SAMD4A: variants seen among roughly 807,000 people sequenced by gnomAD.
SAMD4A encodes the protein sterile alpha motif domain containing 4A.
A neutral mutation model predicts 81.3 loss-of-function variants in SAMD4A; 33 were observed. The observed-to-expected ratio is 0.41, with a 90% confidence interval of 0.31 to 0.54. The LOEUF (loss-of-function observed/expected upper bound fraction) is 0.54, where lower values mean the gene tolerates loss of function less well. Among genes scored for constraint, SAMD4A ranks in the 20% least tolerant of loss-of-function variants. SAMD4A has a pLI of 0.37. For synonymous variants in SAMD4A, 389 were observed against 382.1 expected, an observed-to-expected ratio of 1.02 and a Z score of -0.21; for missense variants, 854 against 951.1, an observed-to-expected ratio of 0.90 and a Z score of 1.34.
chr14:54,789,289 A>G lies in SAMD4A; in HGVS notation c.*345A>G, dbSNP rs1054486110. 7 of 367,178 alleles carry G rather than the reference A, an allele frequency of 1.9e-5. No individual in the cohort carries two copies. Among genetic ancestry groups the G allele is most frequent in the African/African-American group, 8.3e-5 (4 of 47,978 alleles). 22.7% of individuals were successfully genotyped at this position (367,178 alleles called of 1,614,324 possible). On this transcript the variant is annotated 3_prime_UTR_variant, in exon 13 of 13. Transcript: ENST00000554335. ...GAAAGAGTACTGCCATGAAAGAGAT[A>G]GGAGACACATAAGAGGACAGCAGAA...
Position 54,625,124 on chromosome 14 carries a change from C to T in SAMD4A, c.196+57012C>T, listed in dbSNP as rs76661089. ...GTGGATGGCTTCCTATGTCCCCCTCCCCCCAGCTCTTTCCCCACAGCCCAT... is the reference window on the plus strand; with the variant it reads ...GTGGATGGCTTCCTATGTCCCCCTCTCCCCAGCTCTTTCCCCACAGCCCAT... On this transcript the variant is annotated intron_variant, in intron 2 of 12. Transcript: ENST00000554335. Among the ~76,000 whole-genome samples, 1,460 of 152,088 alleles carry T rather than the reference C, an allele frequency of 9.6e-3. 25 individuals are homozygous for T. The highest frequency in any genetic ancestry group is 0.034 in the African/African-American group (1,392 of 41,462).
chr14:54,661,945 A>C (rs2035651203), intron 2 of SAMD4A, among the ~76,000 whole-genome samples: 1 of 152,230 alleles, frequency 6.6e-6, no homozygotes, highest in African/African-American at 2.4e-5. Flanking sequence ...ATCTGGAAAA[A>C]AAAAAATATG....
At chr14:54,583,005 G>A (rs933093355) in intron 2 of SAMD4A, among the ~76,000 whole-genome samples, 3 of 152,026 alleles carry the variant, frequency 2.0e-5, no homozygotes, top group South Asian at 2.1e-4. Context: ...GTGCAGTGGC[G>A]CAATCTCGGC....
In SAMD4A at chr14:54,792,780, C is replaced by T. The variant is rs1476767504; in HGVS notation, c.*3836C>T. ...TTTTTTTGTAATTCCTTTATCTTTA[C>T]TTAAAGGTGAATGTGTATTCCTCTG... On this transcript the variant is annotated 3_prime_UTR_variant, in exon 13 of 13. Coordinates refer to ENST00000554335, the MANE Select transcript of SAMD4A (RefSeq NM_015589.6). The T allele has an allele frequency of 3.3e-5, 5 of 150,998 alleles. No individual in the cohort carries two copies. Among genetic ancestry groups the T allele is most frequent in the African/African-American group, 1.2e-4 (5 of 40,978 alleles). The allele number at this position is 150,998 out of a possible 1,614,324, so 9.4% of individuals were successfully genotyped here.
intron 2 of SAMD4A, among the ~76,000 whole-genome samples, chr14:54,598,880 G>A (rs1420845081): frequency 6.6e-6 from 1 of 151,950 alleles, no homozygotes; most frequent in South Asian, 2.1e-4. Flanking sequence ...GAGTACAGTG[G>A]TGTGATTTCA....
At chr14:54,774,822 A>T (rs1258695749) in intron 9 of SAMD4A, 112 bp from the exon 10 acceptor site, 5 of 987,834 alleles carry the variant, frequency 5.1e-6, no homozygotes, top group East Asian at 2.6e-5. Context: ...TCAAAAAAAA[A>T]AAAAAAAAAA....
intron 2 of SAMD4A, among the ~76,000 whole-genome samples, chr14:54,590,737 A>C (rs1443523436): frequency 6.6e-6 from 1 of 152,210 alleles, no homozygotes; most frequent in Admixed American, 6.5e-5. Context: ...TGTGCTCCAC[A>C]CATGAGCTGT....
intron 2 of SAMD4A, among the ~76,000 whole-genome samples, chr14:54,583,057 C>T (rs1477242085): frequency 6.6e-6 from 1 of 152,150 alleles, no homozygotes; most frequent in African/African-American, 2.4e-5. Flanking sequence ...GATTCCCCTG[C>T]CTCAGCCTCC....
chr14:54,651,032 G>A (rs560234737), intron 2 of SAMD4A, among the ~76,000 whole-genome samples: 1 of 152,322 alleles, frequency 6.6e-6, no homozygotes, highest in South Asian at 2.1e-4. Flanking sequence ...CTGGTCTGCA[G>A]TGACCCTTGC....
intron 2 of SAMD4A, among the ~76,000 whole-genome samples, chr14:54,653,297 CTTAATATTATTATTA>C (rs2035445906): frequency 7.5e-6 from 1 of 133,486 alleles, no homozygotes; most frequent in African/African-American, 2.9e-5. Flanking sequence ...AAGACTTCCT[CTTAATATTATTATTA>C]TTATTATTAT....
chr14:54,769,631 A>G (rs2038648192), intron 8 of SAMD4A, among the ~76,000 whole-genome samples: 1 of 152,174 alleles, frequency 6.6e-6, no homozygotes, highest in Admixed American at 6.5e-5. Flanking sequence ...CACAGAGAAT[A>G]TAGTCCATTC....
chr14:54,657,992 G>A (rs972982289), intron 2 of SAMD4A, among the ~76,000 whole-genome samples: 2 of 152,158 alleles, frequency 1.3e-5, no homozygotes, highest in Admixed American at 1.3e-4. Flanking sequence ...TGAACTCCAC[G>A]AAGTAGATGT....
intron 2 of SAMD4A, among the ~76,000 whole-genome samples, chr14:54,598,974 C>T (rs1277644989): frequency 6.6e-6 from 1 of 152,064 alleles, no homozygotes; most frequent in Non-Finnish European, 1.5e-5. Flanking sequence ...GCATGTACCA[C>T]CACACCCAAC....
At chr14:54,603,778 G>T (rs2034124739) in intron 2 of SAMD4A, among the ~76,000 whole-genome samples, 1 of 150,438 alleles carries the variant, frequency 6.6e-6, no homozygotes, top group Admixed American at 6.6e-5. Context: ...AAGAACTTTT[G>T]TATTTCCATT....
intron 2 of SAMD4A, among the ~76,000 whole-genome samples, chr14:54,684,607 C>T (rs12887837): frequency 1.9e-5 from 1 of 53,166 alleles, no homozygotes; most frequent in Admixed American, 1.7e-4. Flanking sequence ...TGGCCAGACA[C>T]CCCCGCCCCC....
At chr14:54,676,894 A>G (rs2036005457) in intron 2 of SAMD4A, among the ~76,000 whole-genome samples, 1 of 152,240 alleles carries the variant, frequency 6.6e-6, no homozygotes, top group African/African-American at 2.4e-5. Flanking sequence ...ACATGACAGG[A>G]TGCAGAAGAG....
chr14:54,694,475 G>A (rs981420049), intron 2 of SAMD4A: 3 of 227,594 alleles, frequency 1.3e-5, no homozygotes, highest in Non-Finnish European at 2.2e-5. Flanking sequence ...AGCAGATGTG[G>A]TGAGAGTGAG....
At chr14:54,634,393 T>A (rs1395646135) in intron 2 of SAMD4A, among the ~76,000 whole-genome samples, 2 of 151,988 alleles carry the variant, frequency 1.3e-5, no homozygotes, top group East Asian at 3.9e-4. Flanking sequence ...AGGAAAGCTT[T>A]ACATTATCTG....
chr14:54,682,496 C>T (rs1357264441), intron 2 of SAMD4A, among the ~76,000 whole-genome samples: 1 of 152,212 alleles, frequency 6.6e-6, no homozygotes, highest in Non-Finnish European at 1.5e-5. Flanking sequence ...ATTGAAGGCT[C>T]ATTTTGTGAA....
Sources: allele counts gnomAD v4.1 joint callset (sites outside exome capture counted in the v4.1 genomes callset), GRCh38; gene constraint gnomAD v4.1.1; transcripts MANE v1.5; gene names NCBI Gene and HGNC (gene_info 2026-07-23, HGNC 2026-07-21).